The following UBE2D4 variants were observed in gnomAD, a reference collection of about 807,000 sequenced individuals.
UBE2D4 encodes ubiquitin-conjugating enzyme E2 D4.
Under a neutral mutation model 23.0 loss-of-function variants are expected in UBE2D4, and 17 were observed. The ratio of observed to expected loss-of-function variants is 0.74; its 90% confidence interval spans 0.51 to 1.11. The LOEUF is 1.11. UBE2D4 is among the 50% of genes least tolerant of loss of function. The probability of loss-of-function intolerance (pLI) is 0.00; values close to 1 mark genes in which losing one functional copy is unlikely to be tolerated. For missense variants in UBE2D4, 139 were observed against 181.8 expected (o/e 0.76, Z 1.35); for synonymous variants, 61 against 69.4 (o/e 0.88, Z 0.60).
At chr7:43,942,747 A>T (rs2095976036) in intron 2 of UBE2D4, 79 bp from the exon 3 acceptor site, 1 of 1,593,426 alleles carries the variant, frequency 6.3e-7, no homozygotes, top group Non-Finnish European at 8.6e-7. Flanking sequence ...AGTGCGCTGT[A>T]ATTTAGCAGT....
intron 1 of UBE2D4, among the ~76,000 whole-genome samples, chr7:43,934,032 T>G (rs932629997): frequency 7.9e-5 from 12 of 152,234 alleles, no homozygotes; most frequent in African/African-American, 2.7e-4. Context: ...GAAAAGCTTT[T>G]GTGAACACAG....
At chr7:43,941,255 T>C (rs890205592) in intron 2 of UBE2D4, 1 of 152,196 alleles carries the variant, frequency 6.6e-6, no homozygotes, top group Non-Finnish European at 1.5e-5. Flanking sequence ...CCCACTCCTG[T>C]GGGTGAGTAG....
At chr7:43,935,702 C>A (rs779114494) in intron 1 of UBE2D4, among the ~76,000 whole-genome samples, 20 of 152,154 alleles carry the variant, frequency 1.3e-4, no homozygotes, top group Non-Finnish European at 2.6e-4. Flanking sequence ...AGATCTAAGT[C>A]TTGATGAGGT....
chr7:43,948,831 C>A, intron 5 of UBE2D4, 94 bp downstream of exon 5: 1 of 989,034 alleles, frequency 1.0e-6, no homozygotes, highest in Non-Finnish European at 1.6e-6. Flanking sequence ...AGAAAGAAGT[C>A]ACCTTTCCCA....
In UBE2D4 at chr7:43,948,699, T is replaced by C; in HGVS notation, c.266T>C (p.Leu89Pro). Residue 89 changes from leucine to proline, a missense_variant, in exon 5 of 7, where the codon CTG (leucine) becomes CCG (proline). Physicochemically the swap from Leu to Pro is moderately conservative, Grantham distance 98 (BLOSUM62 -3). Coordinates refer to ENST00000222402, the MANE Select transcript of UBE2D4 (RefSeq NM_015983.4). ...NSNGSICLDI[L>P]RSQWSPALTV... ...AATGGCAGCATCTGCCTTGATATCC[T>C]GCGGTCTCAGTGGTCTCCAGCGTTG... The C allele has an allele frequency of 6.2e-7, 1 of 1,613,970 alleles. No individual in the cohort carries two copies. The highest frequency in any genetic ancestry group is 8.5e-7 in the Non-Finnish European group (1 of 1,179,988).
At chr7:43,932,315 C>T (rs2095947785) in intron 1 of UBE2D4, among the ~76,000 whole-genome samples, 1 of 152,146 alleles carries the variant, frequency 6.6e-6, no homozygotes, top group Admixed American at 6.5e-5. Flanking sequence ...TTGAAACAAC[C>T]AGATCTTGTG....
intron 4 of UBE2D4, chr7:43,947,074 T>A (rs1691717053): frequency 6.6e-6 from 1 of 151,658 alleles, no homozygotes; most frequent in Admixed American, 6.6e-5. Context: ...TTCCCCGCCC[T>A]GTGTCCCTGT....
chr7:43,950,768 G>A, intron 6 of UBE2D4, 76 bp downstream of exon 6: 1 of 1,190,678 alleles, frequency 8.4e-7, no homozygotes, highest in Non-Finnish European at 1.2e-6. Flanking sequence ...GCTCTGAGCT[G>A]GTGCTTCTAG....
In UBE2D4 at chr7:43,954,257, CTTTTTTTTTTTTTTTTT is replaced by C. The variant is rs774290334; in HGVS notation, c.*1574_*1590del. On this transcript the variant is annotated 3_prime_UTR_variant, in exon 7 of 7. Transcript: ENST00000222402. ...TGCATCTCACCATGTTGAGGATTGC[CTTTTTTTTTTTTTTTTT>C]TTTTTTTTTTTAACACAGAGCCTTG... The C allele has an allele frequency of 2.8e-5, 2 of 70,546 alleles. No homozygotes were observed. Among genetic ancestry groups the C allele is most frequent in the Admixed American group, 1.9e-4 (1 of 5,254 alleles). The allele number at this position is 70,546 out of a possible 1,614,324, so 4.4% of individuals were successfully genotyped here.
At chr7:43,931,349 G>A (rs970947885) in intron 1 of UBE2D4, among the ~76,000 whole-genome samples, 2 of 152,070 alleles carry the variant, frequency 1.3e-5, no homozygotes, top group African/African-American at 2.4e-5. Context: ...GGCTGAGGTG[G>A]AAGGATCGCT....
At chr7:43,938,310 C>A in intron 1 of UBE2D4, 121 bp from the exon 2 acceptor site, 1 of 883,116 alleles carries the variant, frequency 1.1e-6, no homozygotes, top group South Asian at 1.3e-5. Flanking sequence ...ATGTCTCTAA[C>A]CCCCTCCTGA....
chr7:43,930,239 A>G (rs2095942473), intron 1 of UBE2D4, among the ~76,000 whole-genome samples: 2 of 152,198 alleles, frequency 1.3e-5, no homozygotes, highest in Admixed American at 6.5e-5. Context: ...TGAGTTGACC[A>G]GAACTGAACA....
chr7:43,945,943 G>A (rs566316309), intron 4 of UBE2D4, among the ~76,000 whole-genome samples: 12 of 151,802 alleles, frequency 7.9e-5, no homozygotes, highest in Admixed American at 5.2e-4. Context: ...CCACATGCCC[G>A]GCTAATTTTT....
intron 5 of UBE2D4, 161 bp downstream of exon 5, chr7:43,948,898 G>A (rs944470872): frequency 9.6e-5 from 57 of 592,660 alleles, no homozygotes; most frequent in African/African-American, 8.0e-4. Flanking sequence ...ACACGCCTAC[G>A]AGGCAGCACC....
intron 1 of UBE2D4, among the ~76,000 whole-genome samples, chr7:43,929,719 T>C (rs1429228575): frequency 1.3e-5 from 2 of 152,228 alleles, no homozygotes; most frequent in Non-Finnish European, 2.9e-5. Context: ...GGTTTTATGC[T>C]CTGCTGTCAC....
intron 1 of UBE2D4, among the ~76,000 whole-genome samples, chr7:43,933,013 T>TATATATATATATAC (rs1340458201): frequency 0.016 from 1,917 of 116,544 alleles, 166 homozygotes; most frequent in South Asian, 0.038. Flanking sequence ...TATATATATA[T>TATATATATATATAC]ACACACACAT....
intron 1 of UBE2D4, among the ~76,000 whole-genome samples, chr7:43,929,068 G>C (rs936226228): frequency 1.1e-4 from 16 of 152,006 alleles, no homozygotes; most frequent in African/African-American, 3.9e-4. Flanking sequence ...GAGGCAGGTG[G>C]ATTGCTTGAG....
At chr7:43,945,619 T>C (rs1208090585) in intron 4 of UBE2D4, among the ~76,000 whole-genome samples, 2 of 151,856 alleles carry the variant, frequency 1.3e-5, no homozygotes, top group Non-Finnish European at 2.9e-5. Flanking sequence ...CACACAACTC[T>C]CTTCTCATAT....
intron 1 of UBE2D4, among the ~76,000 whole-genome samples, chr7:43,929,202 A>G (rs1341684035): frequency 6.6e-6 from 1 of 152,156 alleles, no homozygotes; most frequent in African/African-American, 2.4e-5. Context: ...AGGCGGGTGT[A>G]TCATTTAAGG....
Sources: gnomAD v4.1 joint callset for allele counts (sites outside exome capture counted in the v4.1 genomes callset) on GRCh38, gnomAD v4.1.1 for gene constraint, MANE v1.5 for transcripts, NCBI Gene and HGNC (gene_info 2026-07-23, HGNC 2026-07-21) for gene names.